The following NCR1 variants were observed in gnomAD, a reference collection of about 807,000 sequenced individuals.
NCR1 encodes NK cell-activating receptor.
Under a neutral mutation model 32.5 loss-of-function variants are expected in NCR1, and 30 were observed. The ratio of observed to expected loss-of-function variants is 0.92; its 90% CI spans 0.69 to 1.25. The LOEUF (loss-of-function observed/expected upper bound fraction) is 1.25, where lower values mean the gene tolerates loss of function less well. Ranked by LOEUF, NCR1 falls within the 50% of genes most tolerant of loss-of-function variation. NCR1 has a pLI of 0.00. For synonymous variants in NCR1, 169 were observed against 143.4 expected (o/e 1.18, Z -1.28); for missense variants, 369 against 380.7 (o/e 0.97, Z 0.26).
chr19:54,937,537 A>G, the NCR1 span, among the ~76,000 whole-genome samples: 1 of 151,534 alleles, frequency 6.6e-6, no homozygotes, highest in Non-Finnish European at 1.5e-5. Flanking sequence ...TACTAAAAAC[A>G]CAAGATTAAG....
At chr19:54,936,111 G>A in the NCR1 span, 3 of 716,104 alleles carry the variant, frequency 4.2e-6, no homozygotes, top group South Asian at 1.5e-5. Context: ...GGGGAAAGAG[G>A]AGAGGCCGAC....
chr19:54,916,781 T>G (rs1313664596), downstream of NCR1, among the ~76,000 whole-genome samples: 1 of 135,956 alleles, frequency 7.4e-6, no homozygotes, highest in Non-Finnish European at 1.5e-5. Flanking sequence ...CTCGGATCAC[T>G]GCAACCTCCG....
the NCR1 span, among the ~76,000 whole-genome samples, chr19:54,927,196 C>T: frequency 6.6e-6 from 1 of 151,928 alleles, no homozygotes; most frequent in Non-Finnish European, 1.5e-5. Context: ...CAAGACTAGC[C>T]TGGCCAACAT....
the NCR1 span, among the ~76,000 whole-genome samples, chr19:54,925,299 T>G: frequency 6.6e-6 from 1 of 152,164 alleles, no homozygotes; most frequent in Non-Finnish European, 1.5e-5. Flanking sequence ...AAGAGAAGCA[T>G]GACACTATTT....
At chr19:54,917,696 A>G (rs1388990277), downstream of NCR1, among the ~76,000 whole-genome samples, 1 of 152,090 alleles carries the variant, frequency 6.6e-6, no homozygotes. Context: ...GGCAATGCCC[A>G]TGGTAATTTT....
chr19:54,903,552 GTATA>G (rs374044973), upstream of NCR1, among the ~76,000 whole-genome samples: 14 of 133,024 alleles, frequency 1.1e-4, no homozygotes, highest in Admixed American at 9.3e-4. Flanking sequence ...ATGCATGTGT[GTATA>G]TATACATATA....
upstream of NCR1, among the ~76,000 whole-genome samples, chr19:54,903,952 C>T (rs1043229198): frequency 6.6e-6 from 1 of 151,258 alleles, no homozygotes; most frequent in African/African-American, 2.4e-5. Flanking sequence ...GTGGTAAAAA[C>T]CGGTCTCTAC....
chr19:54,927,512 C>T, the NCR1 span: 1,246 of 1,271,588 alleles, frequency 9.8e-4, 12 homozygotes, highest in African/African-American at 0.016. Context: ...GCCAAGATTG[C>T]GCCACTGCAC....
intron 3 of NCR1, among the ~76,000 whole-genome samples, chr19:54,909,014 AAAG>A (rs2067796310): frequency 6.6e-6 from 1 of 151,642 alleles, no homozygotes; most frequent in Non-Finnish European, 1.5e-5. Flanking sequence ...AAAAAAAAAA[AAAG>A]CTGGCTGCCA....
At chr19:54,899,696 C>G in the NCR1 span, among the ~76,000 whole-genome samples, 2 of 151,470 alleles carry the variant, frequency 1.3e-5, no homozygotes, top group South Asian at 4.2e-4. Context: ...GGTAGAGACA[C>G]AGAGAAGGAG....
the NCR1 span, among the ~76,000 whole-genome samples, chr19:54,899,164 G>C: frequency 6.6e-6 from 1 of 152,074 alleles, no homozygotes; most frequent in Admixed American, 6.6e-5. Flanking sequence ...CAGACCGTTT[G>C]CCCATTTTAC....
At chr19:54,917,801 G>C (rs1369635911), downstream of NCR1, among the ~76,000 whole-genome samples, 2 of 152,170 alleles carry the variant, frequency 1.3e-5, no homozygotes, top group East Asian at 3.9e-4. Context: ...GGCAGCCCCA[G>C]ATGGCAGCAG....
chr19:54,903,637 G>A (rs909777996), upstream of NCR1, among the ~76,000 whole-genome samples: 3 of 145,438 alleles, frequency 2.1e-5, no homozygotes, highest in African/African-American at 7.6e-5. Flanking sequence ...GTACTATGCA[G>A]TATATATACA....
chr19:54,901,099 A>G, the NCR1 span, among the ~76,000 whole-genome samples: 7,919 of 146,774 alleles, frequency 0.054, 287 homozygotes, highest in Middle Eastern at 0.11. Flanking sequence ...CCTGGCTAAC[A>G]TGGTGAAACC....
the NCR1 span, chr19:54,923,571 G>C: frequency 5.4e-6 from 4 of 747,054 alleles, no homozygotes; most frequent in Non-Finnish European, 4.7e-6. Flanking sequence ...ATGTGAAGGG[G>C]GTGCGTGACT....
At chr19:54,917,315 A>G (rs1433793782), downstream of NCR1, among the ~76,000 whole-genome samples, 3 of 150,260 alleles carry the variant, frequency 2.0e-5, no homozygotes, top group Non-Finnish European at 4.4e-5. Flanking sequence ...ACTCCTCAAA[A>G]AAAAACAAAA....
At chr19:54,905,606 G>C (rs117537449), upstream of NCR1, among the ~76,000 whole-genome samples, 1 of 152,120 alleles carries the variant, frequency 6.6e-6, no homozygotes, top group Non-Finnish European at 1.5e-5. Context: ...CCTTGCAGCC[G>C]CACGGCAAGA....
upstream of NCR1, among the ~76,000 whole-genome samples, chr19:54,902,840 A>G (rs587720643): frequency 6.6e-6 from 1 of 151,842 alleles, no homozygotes; most frequent in Admixed American, 6.6e-5. Context: ...GTAAATAAGA[A>G]GGAGGCGGGC....
chr19:54,933,527 TGA>T, the NCR1 span: 1 of 1,605,758 alleles, frequency 6.2e-7, no homozygotes, highest in Non-Finnish European at 8.5e-7. Context: ...CTCTCCTGCT[TGA>T]ATTCATGTGC....
Sources: gnomAD v4.1 joint callset for allele counts (sites outside exome capture counted in the v4.1 genomes callset) on GRCh38, gnomAD v4.1.1 for gene constraint, MANE v1.5 for transcripts, NCBI Gene and HGNC (gene_info 2026-07-23, HGNC 2026-07-21) for gene names.